MYO1F: variants seen among roughly 807,000 people sequenced by gnomAD.
The protein encoded by MYO1F is unconventional myosin-If.
Under a neutral mutation model 146.6 loss-of-function variants are expected in MYO1F, and 60 were observed. The ratio of observed to expected loss-of-function variants is 0.41; its 90% CI spans 0.33 to 0.51. MYO1F has a LOEUF of 0.51. MYO1F is among the 20% of genes least tolerant of loss of function. MYO1F has a pLI of 0.25. For synonymous variants in MYO1F, 602 were observed against 602.1 expected, an observed-to-expected ratio of 1.00 and a Z score of 0.00; for missense variants, 1,274 against 1,534.3, an observed-to-expected ratio of 0.83 and a Z score of 2.83.
intron 21 of MYO1F, among the ~76,000 whole-genome samples, chr19:8,528,198 G>A (rs958848602): frequency 6.6e-6 from 1 of 151,726 alleles, no homozygotes; most frequent in Non-Finnish European, 1.5e-5. Flanking sequence ...CTCCAGCCTG[G>A]GTGACAGAGC....
Position 8,552,114 on chromosome 19 carries a change from G to A in MYO1F, c.555C>T (p.Gly185=), listed in dbSNP as rs1325583394. The A allele has an allele frequency of 1.2e-6, 2 of 1,613,898 alleles. No individual in the cohort carries two copies. Among genetic ancestry groups the A allele is most frequent in the Non-Finnish European group, 1.7e-6 (2 of 1,180,012 alleles). ...TCTCCAGCAAGAAGTTGGAGATCTTGCCCCCATCTGGCTCCCCACCTCGGC... is the reference window on the plus strand; with the variant it reads ...TCTCCAGCAAGAAGTTGGAGATCTTACCCCCATCTGGCTCCCCACCTCGGC... ...QFSRGGEPDG[G]KISNFLLEKS... The change falls in exon 7 of 28, where the codon GGC becomes GGT. Residue 185 remains glycine, a synonymous_variant. Transcript: ENST00000644032.
At position 8,555,783 on chromosome 19, in the gene MYO1F, C is replaced by G. The variant is rs377551535; in HGVS notation, c.17G>C (p.Arg6Pro). Residue 6 changes from arginine (R) to proline (P), a missense_variant, in exon 2 of 28, where the codon CGC (arginine) becomes CCC (proline). Physicochemically the swap from Arg to Pro is moderately radical, Grantham distance 103 (BLOSUM62 -2). Around this residue, in one of 2 missense-constraint regions of MYO1F, gnomAD observed 900 missense variants for 1,155.1 expected, o/e 0.78. Coordinates refer to ENST00000644032, the MANE Select transcript of MYO1F (RefSeq NM_012335.4). Reference sequence around the variant, plus strand: ...CACGTTGTGGCTCTGCCAGTGGAAGCGCTCCTTGCTGCCCTGGGGGGTGAG... The same window carrying G: ...CACGTTGTGGCTCTGCCAGTGGAAGGGCTCCTTGCTGCCCTGGGGGGTGAG... The part of the protein sequence containing the change: MGSKE[R>P]FHWQSHNVKQ... 5 of 1,613,366 alleles carry G rather than the reference C, an allele frequency of 3.1e-6. No homozygotes were observed. The highest frequency in any genetic ancestry group is 4.2e-6 in the Non-Finnish European group (5 of 1,179,908).
rs375699074 is a variant in MYO1F at position 8,555,810 on chromosome 19, G to T, written c.4-14C>A. ...CTCCTTGCTGCCCTGGGGGGTGAGAGGGGGGTCGGGGTGAGCCCTTGCACG... is the reference window on the plus strand; with the variant it reads ...CTCCTTGCTGCCCTGGGGGGTGAGATGGGGGTCGGGGTGAGCCCTTGCACG... On this transcript the variant is annotated splice_polypyrimidine_tract_variant and intron_variant, in intron 1 of 27. Transcript: ENST00000644032. 2.5e-6 allele frequency: 4 copies of T among 1,607,598 alleles called. No individual in the cohort carries two copies. The highest frequency in any genetic ancestry group is 2.5e-6 in the Non-Finnish European group (3 of 1,177,762).
chr19:8,545,413 G>A (rs533740564), intron 13 of MYO1F: 139 of 524,804 alleles, frequency 2.6e-4, no homozygotes, highest in South Asian at 5.1e-4. Context: ...CTAACTGTGA[G>A]CTGGGGTTCC....
Position 8,536,945 on chromosome 19 carries a change from T to C in MYO1F, c.1799+4A>G. 2.5e-6 allele frequency: 4 copies of C among 1,577,556 alleles called. No individual in the cohort carries two copies. The highest frequency in any genetic ancestry group is 3.4e-4 in the Middle Eastern group (2 of 5,944). On this transcript the variant is annotated splice_donor_region_variant and intron_variant, in intron 17 of 27. Transcript: ENST00000644032. Reference sequence around the variant, plus strand: ...TGAATCTTGGATTGGTTGGGGGGGATCACCTGTTCTCCTCCCAGTCTCGGG... The same window carrying C: ...TGAATCTTGGATTGGTTGGGGGGGACCACCTGTTCTCCTCCCAGTCTCGGG...
rs960316429 is a variant in MYO1F, at chr19:8,530,843, G to A, written c.2044-270C>T. Among the ~76,000 whole-genome samples, 1 of 151,878 alleles carries A rather than the reference G, an allele frequency of 6.6e-6. No homozygotes were observed. Among genetic ancestry groups the A allele is most frequent in the Non-Finnish European group, 1.5e-5 (1 of 67,976 alleles). On this transcript the variant is annotated intron_variant, in intron 19 of 27. Coordinates refer to ENST00000644032, the MANE Select transcript of MYO1F (RefSeq NM_012335.4). The surrounding 1 kb of genome is among the most constrained non-coding windows in gnomAD (Gnocchi z 5.8). ...TCACCTGAGGTCAGGAGTTTGAGAC[G>A]AGCCTGACCGACATAGTGAAACCCC...
intron 1 of MYO1F, among the ~76,000 whole-genome samples, chr19:8,562,006 C>T (rs570022220): frequency 3.3e-5 from 5 of 151,492 alleles, no homozygotes; most frequent in East Asian, 2.0e-4. Context: ...TGAGCCACTG[C>T]GTCTGGCCCT....
At chr19:8,542,064 A>G (rs1027396509) in intron 14 of MYO1F, 73 bp from the exon 15 acceptor site, 26 of 1,237,816 alleles carry the variant, frequency 2.1e-5, no homozygotes, top group Non-Finnish European at 3.0e-5. Flanking sequence ...GGGTGCTTAC[A>G]GCCCAGGTGG....
chr19:8,550,030 C>T, intron 10 of MYO1F, 130 bp downstream of exon 10: 1 of 1,054,250 alleles, frequency 9.5e-7, no homozygotes, highest in South Asian at 1.4e-5. Flanking sequence ...GAACTTCTGG[C>T]CTCAAAGAAT....
At chr19:8,568,060 A>T (rs1182108804) in intron 1 of MYO1F, among the ~76,000 whole-genome samples, 1 of 151,798 alleles carries the variant, frequency 6.6e-6, no homozygotes, top group Non-Finnish European at 1.5e-5. Flanking sequence ...TTCTCTGACC[A>T]TTCTCTCCCT....
chr19:8,536,908 G>A, intron 17 of MYO1F, 41 bp downstream of exon 17: 2 of 1,276,772 alleles, frequency 1.6e-6, no homozygotes, highest in Non-Finnish European at 2.1e-6. Flanking sequence ...TAACTGCAGG[G>A]CCTGGGGGGA....
chr19:8,525,286 T>G lies in MYO1F; in HGVS notation c.2854+193A>C, dbSNP rs10402716. 0.041 allele frequency: 23,144 copies of G among 557,708 alleles called. 1,642 individuals carry two copies. The highest frequency in any genetic ancestry group is 0.17 in the African/African-American group (8,721 of 52,242). The allele number at this position is 557,708 out of a possible 1,614,324, so 34.5% of individuals were successfully genotyped here. A position where few individuals can be genotyped will look rare whatever the true frequency, so the allele number is the denominator to read the frequency against. On this transcript the variant is annotated intron_variant, in intron 25 of 27. Transcript: ENST00000644032. ...AGAAGATGTCAGTGGTTAGCTGGGT[T>G]TGGGTTTTGAAGGGCTCTGAATGCC...
Position 8,543,786 on chromosome 19 carries a change from CTGG to C in MYO1F, c.1524+508_1524+510del, listed in dbSNP as rs1470514714. On this transcript the variant is annotated intron_variant, in intron 14 of 27. Transcript: ENST00000644032. ...GGTGGTGCTGGTGGTGCTGGTGGTG[CTGG>C]TGGTGGTGGTGCTGGTGGTGCTGGT... Among the ~76,000 whole-genome samples the C allele has an allele frequency of 1.1e-3, 12 of 11,008 alleles. 3 individuals are homozygous for C. Among genetic ancestry groups the C allele is most frequent in the Admixed American group, 2.7e-3 (3 of 1,120 alleles). 7.2% of individuals were successfully genotyped at this position (11,008 alleles called of 152,430 possible). A position where few individuals can be genotyped will look rare whatever the true frequency, so the allele number is the denominator to read the frequency against.
chr19:8,542,746 G>A (rs552290204), intron 14 of MYO1F, among the ~76,000 whole-genome samples: 4 of 151,866 alleles, frequency 2.6e-5, no homozygotes, highest in East Asian at 1.9e-4. Flanking sequence ...GATTACAGGC[G>A]TGTGCCACCA....
intron 19 of MYO1F, among the ~76,000 whole-genome samples, chr19:8,533,357 C>CTTTT (rs762061787): frequency 8.7e-6 from 1 of 115,204 alleles, no homozygotes; most frequent in Admixed American, 8.9e-5. Flanking sequence ...TCTTCTTCTT[C>CTTTT]TTTTTTTTTT....
Position 8,577,334 on chromosome 19 carries a change from C to T in MYO1F, c.-25G>A, listed in dbSNP as rs1555734056. The T allele has an allele frequency of 1.2e-6, 2 of 1,613,912 alleles. No homozygotes were observed. The highest frequency in any genetic ancestry group is 1.1e-5 in the South Asian group (1 of 91,028). ...TGGTGGGGGGCTGGTGTCTGGGCTCCTGGAGGCTCCTGAATGGGTCGTGAT... is the reference window on the plus strand; with the variant it reads ...TGGTGGGGGGCTGGTGTCTGGGCTCTTGGAGGCTCCTGAATGGGTCGTGAT... On this transcript the variant is annotated 5_prime_UTR_variant, in exon 1 of 28. Coordinates refer to ENST00000644032, the MANE Select transcript of MYO1F (RefSeq NM_012335.4). This position sits in a 1 kb window ranked among gnomAD's most constrained non-coding sequence, Gnocchi z 4.3.
intron 27 of MYO1F, 25 bp downstream of exon 27, chr19:8,522,352 C>T (rs1208585886): frequency 8.1e-6 from 13 of 1,613,646 alleles, no homozygotes; most frequent in African/African-American, 1.3e-5. Flanking sequence ...TCCCCTCACC[C>T]CAGCTTCTGC....
intron 12 of MYO1F, among the ~76,000 whole-genome samples, chr19:8,546,012 G>A (rs1190821716): frequency 6.6e-6 from 1 of 151,368 alleles, no homozygotes; most frequent in South Asian, 2.1e-4. Flanking sequence ...GTTGCATTCC[G>A]GTTGTCCACA....
intron 15 of MYO1F, among the ~76,000 whole-genome samples, chr19:8,541,419 GTGTGTGT>G (rs995502087): frequency 6.0e-5 from 8 of 133,928 alleles, no homozygotes; most frequent in Non-Finnish European, 1.1e-4. Flanking sequence ...GTGTGTGTGT[GTGTGTGT>G]TTTTTTTTTT....
Sources: gnomAD v4.1 joint callset for allele counts (sites outside exome capture counted in the v4.1 genomes callset) on GRCh38, gnomAD v4.1.1 for gene constraint, gnomAD v4.1.1 regional missense constraint, Gnocchi (gnomAD v3.1) non-coding constraint, MANE v1.5 for transcripts, NCBI Gene and HGNC (gene_info 2026-07-23, HGNC 2026-07-21) for gene names.